Variants in BARX2 observed in about 807,000 individuals in gnomAD.
The protein encoded by BARX2 is BARX homeobox 2, also known as homeobox protein BarH-like 2.
In BARX2, 11 loss-of-function variants were observed where a neutral mutation model predicts 25.5. The ratio of observed to expected loss-of-function variants is 0.43; its 90% confidence interval spans 0.27 to 0.71. The LOEUF is 0.71. BARX2 is among the 30% of genes least tolerant of loss of function. The pLI is 0.19. For synonymous variants in BARX2, 137 were observed against 149.5 expected, an observed-to-expected ratio of 0.92 and a Z score of 0.61; for missense variants, 360 against 359.9, an observed-to-expected ratio of 1.00 and a Z score of 0.00.
chr11:129,436,994 A>T lies in BARX2; in HGVS notation c.431A>T (p.Gln144Leu). 6.2e-7 allele frequency: 1 copy of T among 1,605,484 alleles called. No homozygotes were observed. ...RRSRTIFTEL[Q>L]LMGLEKKFQK... ...AGTCGCACCATCTTCACCGAGCTGC[A>T]GCTCATGGGCCTGGAGAAGAAATTC... The change falls in exon 2 of 4, where the codon CAG becomes CTG. Residue 144 changes from glutamine to leucine, a missense_variant. Gln to Leu is a moderately radical substitution (Grantham distance 113). This residue lies in a region of BARX2 where 240 missense variants were observed against 228.7 expected (regional missense o/e 1.05). Coordinates refer to ENST00000281437, the MANE Select transcript of BARX2 (RefSeq NM_003658.5). The surrounding 1 kb of genome is among the most constrained non-coding windows in gnomAD (Gnocchi z 4.5).
intron 1 of BARX2, among the ~76,000 whole-genome samples, chr11:129,398,805 A>G (rs1458744029): frequency 6.6e-6 from 1 of 152,202 alleles, no homozygotes; most frequent in Non-Finnish European, 1.5e-5. Context: ...AGTAAAAGCT[A>G]AGTTTGATTT....
At chr11:129,418,018 CT>C (rs1325539315) in intron 1 of BARX2, among the ~76,000 whole-genome samples, 1 of 152,092 alleles carries the variant, frequency 6.6e-6, no homozygotes, top group Non-Finnish European at 1.5e-5. Flanking sequence ...ATTTTTCTTT[CT>C]GTAGAGAGAA....
intron 1 of BARX2, among the ~76,000 whole-genome samples, chr11:129,409,901 A>G (rs1202453055): frequency 6.6e-6 from 1 of 152,058 alleles, no homozygotes; most frequent in African/African-American, 2.4e-5. Context: ...TACCAATTGG[A>G]TATTACAAGT....
intron 1 of BARX2, among the ~76,000 whole-genome samples, chr11:129,424,740 C>T (rs1252306255): frequency 6.6e-6 from 1 of 152,182 alleles, no homozygotes; most frequent in Admixed American, 6.5e-5. Flanking sequence ...ACAGAGTTCC[C>T]TAATGATGAT....
At position 129,417,650 on chromosome 11, in the gene BARX2, CAG is replaced by C. The variant is rs1828665464; in HGVS notation, c.188-19098_188-19097del. ...GAGGGGTGTAGGTCTGCTGCAGAAT[CAG>C]AGTCTGTGTTGGTTGTTACACTTGG... On this transcript the variant is annotated intron_variant, in intron 1 of 3. Transcript: ENST00000281437. Among the ~76,000 whole-genome samples, 6 of 152,300 alleles carry C rather than the reference CAG, an allele frequency of 3.9e-5. No homozygotes were observed. The South Asian group carries it at 1.0e-3, about 26-fold the overall frequency.
At chr11:129,395,503 G>C (rs181724604) in intron 1 of BARX2, among the ~76,000 whole-genome samples, 11 of 152,174 alleles carry the variant, frequency 7.2e-5, no homozygotes, top group Non-Finnish European at 1.5e-4. Flanking sequence ...TTAGTGGGCC[G>C]TGAGTTCCGT....
rs1493532 is a variant in BARX2, at chr11:129,396,124, A to T, written c.187+19902A>T. Among the ~76,000 whole-genome samples the T allele has an allele frequency of 1.8e-3, 269 of 152,170 alleles. 2 individuals carry two copies. Among genetic ancestry groups the T allele is most frequent in the African/African-American group, 6.0e-3 (251 of 41,530 alleles). On this transcript the variant is annotated intron_variant, in intron 1 of 3. Transcript: ENST00000281437. ...ATGCATGACATCGACTGTCTCTCCC[A>T]TGGGGCTCTGAGCTTCCTTCCAGCA...
At chr11:129,400,302 A>C (rs1807717360) in intron 1 of BARX2, among the ~76,000 whole-genome samples, 1 of 152,078 alleles carries the variant, frequency 6.6e-6, no homozygotes, top group South Asian at 2.1e-4. Flanking sequence ...TGCTGTGAAA[A>C]AGGTAATAAG....
intron 1 of BARX2, among the ~76,000 whole-genome samples, chr11:129,389,630 T>G (rs1211469227): frequency 3.3e-5 from 5 of 151,696 alleles, no homozygotes; most frequent in Admixed American, 2.6e-4. Context: ...GCTGTAAGAG[T>G]CTCAAGAACT....
chr11:129,435,362 G>T (rs1862176628), intron 1 of BARX2, among the ~76,000 whole-genome samples: 1 of 152,210 alleles, frequency 6.6e-6, no homozygotes, highest in Non-Finnish European at 1.5e-5. Flanking sequence ...AAGAATAAGA[G>T]AAGCTATTTG....
chr11:129,398,068 C>T (rs1861740235), intron 1 of BARX2, among the ~76,000 whole-genome samples: 1 of 152,214 alleles, frequency 6.6e-6, no homozygotes, highest in African/African-American at 2.4e-5. Flanking sequence ...ATCTCAACTG[C>T]ATCTTTAGAA....
At chr11:129,443,001 A>AT in intron 3 of BARX2, 82 bp downstream of exon 3, 1 of 1,318,692 alleles carries the variant, frequency 7.6e-7, no homozygotes, top group Non-Finnish European at 1.1e-6. Context: ...AGGCCGGACC[A>AT]TTTGGCAGTT....
rs1161007182 is a variant in BARX2 at position 129,436,369 on chromosome 11, A to G, written c.188-382A>G. 1 of 210,818 alleles carries G rather than the reference A, an allele frequency of 4.7e-6. No individual in the cohort carries two copies. The highest frequency in any genetic ancestry group is 1.9e-4 in the South Asian group (1 of 5,336). 13.1% of individuals were successfully genotyped at this position (210,818 alleles called of 1,614,324 possible). ...CACAGGTGGTTCTCAGGAAGTTTGCATATTACAAATCTATTTCGGGTTTCT... is the reference window on the plus strand; with the variant it reads ...CACAGGTGGTTCTCAGGAAGTTTGCGTATTACAAATCTATTTCGGGTTTCT... On this transcript the variant is annotated intron_variant, in intron 1 of 3. Coordinates refer to ENST00000281437, the MANE Select transcript of BARX2 (RefSeq NM_003658.5). This position sits in a 1 kb window ranked among gnomAD's most constrained non-coding sequence, Gnocchi z 4.5.
chr11:129,383,368 C>T (rs1448321883), intron 1 of BARX2, among the ~76,000 whole-genome samples: 1 of 152,066 alleles, frequency 6.6e-6, no homozygotes, highest in Admixed American at 6.6e-5. Flanking sequence ...AGCCATGCAC[C>T]TAGATAGATA....
chr11:129,406,383 A>G (rs760476842), intron 1 of BARX2, among the ~76,000 whole-genome samples: 1 of 152,224 alleles, frequency 6.6e-6, no homozygotes, highest in Non-Finnish European at 1.5e-5. Context: ...TCTAAACACA[A>G]ATTCAGGTCT....
chr11:129,428,264 T>C (rs1182336838), intron 1 of BARX2, among the ~76,000 whole-genome samples: 1 of 152,230 alleles, frequency 6.6e-6, no homozygotes, highest in East Asian at 1.9e-4. Context: ...TGTATGTAAA[T>C]GATCTAGGGT....
intron 3 of BARX2, among the ~76,000 whole-genome samples, chr11:129,446,681 G>A (rs560012054): frequency 1.1e-3 from 170 of 152,298 alleles, no homozygotes; most frequent in Non-Finnish European, 2.1e-3. Flanking sequence ...GCACAGCCCT[G>A]AGCATTTGTC....
rs188041128 is a variant in BARX2, at chr11:129,392,523, A to C, written c.187+16301A>C. Among the ~76,000 whole-genome samples, 200 of 152,292 alleles carry C rather than the reference A, an allele frequency of 1.3e-3. 1 individual carries two copies. Among genetic ancestry groups the C allele is most frequent in the African/African-American group, 4.6e-3 (193 of 41,550 alleles). ...TGATGTTGAAAAAACAATAATAATA[A>C]CAATACACACACATAACAGGAAACA... On this transcript the variant is annotated intron_variant, in intron 1 of 3. Coordinates refer to ENST00000281437, the MANE Select transcript of BARX2 (RefSeq NM_003658.5).
At chr11:129,408,853 A>G (rs757520138) in intron 1 of BARX2, among the ~76,000 whole-genome samples, 1 of 152,174 alleles carries the variant, frequency 6.6e-6, no homozygotes, top group East Asian at 1.9e-4. Context: ...GACCATGTTT[A>G]TTTTGTCTAC....
Sources: gnomAD v4.1 joint callset for allele counts (sites outside exome capture counted in the v4.1 genomes callset) on GRCh38, gnomAD v4.1.1 for gene constraint, gnomAD v4.1.1 regional missense constraint, Gnocchi (gnomAD v3.1) non-coding constraint, MANE v1.5 for transcripts, NCBI Gene and HGNC (gene_info 2026-07-23, HGNC 2026-07-21) for gene names.